Variants in BRCA2 observed in about 807,000 individuals in gnomAD.
BRCA2 encodes BRCA2 DNA repair associated.
BRCA2 carries 203 observed loss-of-function variants against 276.7 expected under a neutral mutation model. That is an observed-to-expected ratio of 0.73 (90% confidence interval 0.65 to 0.82). BRCA2 has a LOEUF of 0.82. Ranked by LOEUF, BRCA2 falls within the 40% of genes least tolerant of loss-of-function variation. The pLI is 0.00. For missense variants in BRCA2, 3,920 were observed against 3,915.0 expected, an observed-to-expected ratio of 1.00 and a Z score of -0.03; for synonymous variants, 1,289 against 1,338.4, an observed-to-expected ratio of 0.96 and a Z score of 0.81.
At chr13:32,372,678 A>G (rs940037528) in intron 20 of BRCA2, among the ~76,000 whole-genome samples, 3 of 152,172 alleles carry the variant, frequency 2.0e-5, no homozygotes, top group African/African-American at 7.2e-5. Flanking sequence ...GCCAAACCAT[A>G]TCATTCTGCC....
In BRCA2 at chr13:32,340,029, GGTT is replaced by G. The variant is rs1566232944; in HGVS notation, c.5678_5680del (p.Cys1893del). 1 of 1,613,524 alleles carries G rather than the reference GGTT, an allele frequency of 6.2e-7. No individual in the cohort carries two copies. Among genetic ancestry groups the G allele is most frequent in the Non-Finnish European group, 8.5e-7 (1 of 1,179,818 alleles). On this transcript the variant is annotated inframe_deletion, in exon 11 of 27. Transcript: ENST00000380152. ...AATTTGCCAAACGAAAATTATGGCA[GGTT>G]GTTACGAGGCATTGGATGATTCAGA...
At chr13:32,383,109 C>T (rs745711950) in intron 24 of BRCA2, among the ~76,000 whole-genome samples, 1 of 152,140 alleles carries the variant, frequency 6.6e-6, no homozygotes, top group Non-Finnish European at 1.5e-5. Flanking sequence ...CGCCTGTAAT[C>T]CAGCACTTTG....
intron 19 of BRCA2, 144 bp downstream of exon 19, chr13:32,370,701 G>T (rs1030938177): frequency 2.0e-6 from 2 of 994,182 alleles, no homozygotes; most frequent in African/African-American, 1.6e-5. Flanking sequence ...TCCACCTCCC[G>T]GGTTCAAGTG....
At chr13:32,316,558 T>C (rs1566214683) in intron 2 of BRCA2, 31 bp downstream of exon 2, 1 of 1,576,616 alleles carries the variant, frequency 6.3e-7, no homozygotes, top group South Asian at 1.1e-5. Flanking sequence ...ACTTTATAAA[T>C]TACACCGAGA....
chr13:32,380,997 A>ATGTGTT (rs1566254020), intron 24 of BRCA2, among the ~76,000 whole-genome samples: 1 of 151,808 alleles, frequency 6.6e-6, no homozygotes, highest in African/African-American at 2.4e-5. Context: ...TATTTTTTAA[A>ATGTGTT]TGTGTTTGTG....
At chr13:32,330,816 A>G (rs369541079) in intron 8 of BRCA2, 103 bp from the exon 9 acceptor site, 3 of 733,310 alleles carry the variant, frequency 4.1e-6, no homozygotes, top group East Asian at 2.7e-5. Context: ...TTGATTGCAG[A>G]TAACTGAAAT....
intron 12 of BRCA2, among the ~76,000 whole-genome samples, chr13:32,346,569 TTGAGTTA>T (rs2137540528): frequency 6.6e-6 from 1 of 152,248 alleles, no homozygotes; most frequent in African/African-American, 2.4e-5. Flanking sequence ...GCTAACACCT[TTGAGTTA>T]TGATGGTTAA....
At chr13:32,326,705 A>G in intron 7 of BRCA2, 92 bp downstream of exon 7, 2 of 920,286 alleles carry the variant, frequency 2.2e-6, no homozygotes, top group East Asian at 5.0e-5. Context: ...ATATGAAAAG[A>G]AAATATTAGA....
At chr13:32,336,208 T>C in intron 10 of BRCA2, 57 bp from the exon 11 acceptor site, 1 of 1,536,342 alleles carries the variant, frequency 6.5e-7, no homozygotes, top group Non-Finnish European at 8.8e-7. Flanking sequence ...GTGAAAAATA[T>C]TTAGTGAATG....
intron 26 of BRCA2, among the ~76,000 whole-genome samples, 176 bp downstream of exon 26, chr13:32,397,220 A>G (rs1203976666): frequency 6.6e-6 from 1 of 152,238 alleles, no homozygotes; most frequent in Admixed American, 6.5e-5. Context: ...GAAGCAAGAT[A>G]TGAAACTCTG....
At position 32,370,996 on chromosome 13, in the gene BRCA2, A is replaced by G. The variant is rs80359107; in HGVS notation, c.8528A>G (p.Asn2843Ser). 1 of 1,614,166 alleles carries G rather than the reference A, an allele frequency of 6.2e-7. No individual in the cohort carries two copies. The highest frequency in any genetic ancestry group is 8.5e-7 in the Non-Finnish European group (1 of 1,180,018). The change falls in exon 20 of 27, where the codon AAT becomes AGT. Residue 2843 changes from asparagine (N) to serine (S), a missense_variant. By Grantham distance (46) the Asn-to-Ser change is conservative (BLOSUM62 1). Around this residue, in one of 2 missense-constraint regions of BRCA2, gnomAD observed 657 missense variants for 758.2 expected, o/e 0.87. Coordinates refer to ENST00000380152, the MANE Select transcript of BRCA2 (RefSeq NM_000059.4). ...TCATCTGGATTATACATATTTCGCA[A>G]TGAAAGAGAGGAAGAAAAGGAAGCA... ...KTSSGLYIFR[N>S]EREEEKEAAK...
At chr13:32,330,257 G>C (rs2072379014) in intron 8 of BRCA2, among the ~76,000 whole-genome samples, 1 of 152,186 alleles carries the variant, frequency 6.6e-6, no homozygotes, top group South Asian at 2.1e-4. Flanking sequence ...ATGGTGCACT[G>C]TGTGGCCACA....
rs80359109 is a variant in BRCA2 at position 32,371,013 on chromosome 13, A to G, written c.8545A>G (p.Lys2849Glu). ...ATTTCGCAATGAAAGAGAGGAAGAAAAGGAAGCAGCAAAATATGTGGAGGC... is the reference window on the plus strand; with the variant it reads ...ATTTCGCAATGAAAGAGAGGAAGAAGAGGAAGCAGCAAAATATGTGGAGGC... ...YIFRNEREEE[K>E]EAAKYVEAQQ... The change falls in exon 20 of 27, where the codon AAG becomes GAG. Residue 2849 changes from lysine (K) to glutamate (E), a missense_variant. Coordinates refer to ENST00000380152, the MANE Select transcript of BRCA2 (RefSeq NM_000059.4). 8.7e-6 allele frequency: 14 copies of G among 1,614,066 alleles called. No homozygotes were observed. The highest frequency in any genetic ancestry group is 2.7e-5 in the African/African-American group (2 of 74,940).
chr13:32,372,095 T>C (rs1434954998), intron 20 of BRCA2, among the ~76,000 whole-genome samples: 1 of 152,230 alleles, frequency 6.6e-6, no homozygotes, highest in Non-Finnish European at 1.5e-5. Flanking sequence ...TGGCTTTTCC[T>C]TTCATGAAAG....
In BRCA2 at chr13:32,394,932, A is replaced by C. The variant is rs80359223; in HGVS notation, c.9500A>C (p.Glu3167Ala). 1.2e-6 allele frequency: 2 copies of C among 1,614,026 alleles called. No homozygotes were observed. Among genetic ancestry groups the C allele is most frequent in the Non-Finnish European group, 1.7e-6 (2 of 1,179,940 alleles). The change falls in exon 25 of 27, where the codon GAG becomes GCG. Residue 3167 changes from glutamate (E) to alanine (A), a missense_variant and splice_region_variant. Physicochemically the swap from Glu to Ala is moderately radical, Grantham distance 107 (BLOSUM62 -1). Coordinates refer to ENST00000380152, the MANE Select transcript of BRCA2 (RefSeq NM_000059.4). ...ETFNKMKNTV[E>A]NIDILCNEAE... ...TTCAACAAAATGAAAAATACTGTTG[A>C]GGTAAGGTTACTTTTCAGCATCACC...
In BRCA2 at chr13:32,332,447, A is replaced by G. The variant is rs864622214; in HGVS notation, c.969A>G (p.Val323=). The change falls in exon 10 of 27, where the codon GTA becomes GTG. Residue 323 remains valine, a synonymous_variant. Coordinates refer to ENST00000380152, the MANE Select transcript of BRCA2 (RefSeq NM_000059.4). ...SKCRTKNLQK[V]RTSKTRKKIF... is the part of the protein sequence containing the mutation. ...GTAGAACAAAAAATCTACAAAAAGT[A>G]AGAACTAGCAAGACTAGGAAAAAAA... is the stretch of plus-strand genomic sequence containing the variant. 6.3e-7 allele frequency: 1 copy of G among 1,584,252 alleles called. No homozygotes were observed. The highest frequency in any genetic ancestry group is 8.5e-7 in the Non-Finnish European group (1 of 1,170,766).
Position 32,316,514 on chromosome 13 carries a change from C to T in BRCA2, c.54C>T (p.Arg18=), listed in dbSNP as rs879915769. 6.2e-7 allele frequency: 1 copy of T among 1,613,786 alleles called. No individual in the cohort carries two copies. The highest frequency in any genetic ancestry group is 8.5e-7 in the Non-Finnish European group (1 of 1,179,746). ...CATTTTTTGAAATTTTTAAGACACG[C>T]TGCAACAAAGCAGGTATTGACAAAT... ...RPTFFEIFKT[R]CNKADLGPIS... Residue 18 remains arginine (R), a synonymous_variant, in exon 2 of 27, where the codon CGC becomes CGT. Coordinates refer to ENST00000380152, the MANE Select transcript of BRCA2 (RefSeq NM_000059.4).
chr13:32,331,298 C>G (rs1025905965), intron 9 of BRCA2, among the ~76,000 whole-genome samples: 1 of 152,108 alleles, frequency 6.6e-6, no homozygotes. Flanking sequence ...CCATGCCCAG[C>G]CTGAACTACT....
rs117883904 is a variant in BRCA2 at position 32,342,540 on chromosome 13, G to T, written c.6841+1344G>T. Among the ~76,000 whole-genome samples the T allele has an allele frequency of 1.3e-3, 194 of 152,270 alleles. 4 individuals carry two copies. The East Asian group carries it at 0.035, about 28-fold the overall frequency. Reference sequence around the variant, plus strand: ...ATATGTTCTGAGAAATAGATTGTTAGATTTCATCATTGTGGGAACATCATA... The same window carrying T: ...ATATGTTCTGAGAAATAGATTGTTATATTTCATCATTGTGGGAACATCATA... On this transcript the variant is annotated intron_variant, in intron 11 of 26. Transcript: ENST00000380152.
Sources: allele counts gnomAD v4.1 joint callset (sites outside exome capture counted in the v4.1 genomes callset), GRCh38; gene constraint gnomAD v4.1.1; regional missense constraint gnomAD v4.1.1; transcripts MANE v1.5; gene names NCBI Gene and HGNC (gene_info 2026-07-23, HGNC 2026-07-21).